The following GPR39 variants were observed in gnomAD, a reference collection of about 807,000 sequenced individuals.
The protein encoded by GPR39 is zinc sensing receptor.
GPR39 carries 23 observed loss-of-function variants against 18.4 expected under a neutral mutation model. The ratio of observed to expected loss-of-function variants is 1.25; its 90% CI spans 0.90 to 1.77. The LOEUF (loss-of-function observed/expected upper bound fraction) is 1.77. Among genes scored for constraint, GPR39 ranks in the 40% most tolerant of loss-of-function variants. The pLI is 0.00. For synonymous variants in GPR39, 280 were observed against 257.9 expected, an observed-to-expected ratio of 1.09 and a Z score of -0.82; for missense variants, 647 against 602.4, an observed-to-expected ratio of 1.07 and a Z score of -0.78.
intron 1 of GPR39, among the ~76,000 whole-genome samples, chr2:132,636,595 C>T (rs78232126): frequency 0.033 from 5,076 of 152,294 alleles, 256 homozygotes; most frequent in African/African-American, 0.12. Context: ...GGAAGCCCCA[C>T]GTTTGGACTC....
rs182549182 is a variant in GPR39 at position 132,560,766 on chromosome 2, C to T, written c.857-84335C>T. Among the ~76,000 whole-genome samples the T allele has an allele frequency of 5.9e-3, 893 of 152,290 alleles. 1 individual carries two copies. Among genetic ancestry groups the T allele is most frequent in the Non-Finnish European group, 0.01 (708 of 68,020 alleles). On this transcript the variant is annotated intron_variant, in intron 1 of 1. Coordinates refer to ENST00000329321, the MANE Select transcript of GPR39 (RefSeq NM_001508.3). ...GCTTCTCCTCTCTCCAAACATCCTG[C>T]GTGGGCAGATTGCCCAAGCCTGGGA...
intron 1 of GPR39, among the ~76,000 whole-genome samples, chr2:132,595,960 G>T (rs1409370899): frequency 6.6e-6 from 1 of 152,094 alleles, no homozygotes; most frequent in Non-Finnish European, 1.5e-5. Context: ...TCATGTCAGG[G>T]AGCCTTAGTG....
intron 1 of GPR39, among the ~76,000 whole-genome samples, chr2:132,532,973 G>A (rs3109159): frequency 0.21 from 31,975 of 151,770 alleles, 4,020 homozygotes; most frequent in East Asian, 0.63. Flanking sequence ...CCTATTCAAC[G>A]TAGTGTTGGA....
At chr2:132,420,905 A>G (rs1447924779) in intron 1 of GPR39, among the ~76,000 whole-genome samples, 1 of 152,222 alleles carries the variant, frequency 6.6e-6, no homozygotes, top group African/African-American at 2.4e-5. Flanking sequence ...TTTACAGGAG[A>G]ACACAATAGT....
intron 1 of GPR39, among the ~76,000 whole-genome samples, chr2:132,516,756 A>G (rs1679342018): frequency 6.6e-6 from 1 of 152,174 alleles, no homozygotes; most frequent in Admixed American, 6.5e-5. Flanking sequence ...GGCCAACATG[A>G]CAGAACCTTA....
chr2:132,543,019 G>A (rs1679888084), intron 1 of GPR39, among the ~76,000 whole-genome samples: 2 of 152,142 alleles, frequency 1.3e-5, no homozygotes, highest in South Asian at 4.1e-4. Context: ...GGGGGTGGGT[G>A]TTCAGTTTCC....
chr2:132,499,273 G>A (rs111693593), intron 1 of GPR39, among the ~76,000 whole-genome samples: 2 of 152,042 alleles, frequency 1.3e-5, no homozygotes, highest in Non-Finnish European at 2.9e-5. Context: ...ATTCTTCTAC[G>A]TGTGGCTTGC....
chr2:132,476,675 A>G (rs1681135032), intron 1 of GPR39, among the ~76,000 whole-genome samples: 1 of 150,782 alleles, frequency 6.6e-6, no homozygotes, highest in Admixed American at 6.6e-5. Context: ...TAGATATGTA[A>G]AGATATGTTC....
At chr2:132,428,427 G>C (rs1457720907) in intron 1 of GPR39, among the ~76,000 whole-genome samples, 2 of 152,194 alleles carry the variant, frequency 1.3e-5, no homozygotes, top group African/African-American at 4.8e-5. Flanking sequence ...TTGATGCAGG[G>C]TCTGGGTTGT....
Position 132,436,261 on chromosome 2 carries a change from C to T in GPR39, c.856+18363C>T, listed in dbSNP as rs190140563. Reference sequence around the variant, plus strand: ...CCTGTAAGGCCAAGGCATTATTGGCCAAGGCAATCGATATATCAAAATGAA... The same window carrying T: ...CCTGTAAGGCCAAGGCATTATTGGCTAAGGCAATCGATATATCAAAATGAA... On this transcript the variant is annotated intron_variant, in intron 1 of 1. Transcript: ENST00000329321. Among the ~76,000 whole-genome samples, 842 of 152,262 alleles carry T rather than the reference C, an allele frequency of 5.5e-3. 8 individuals are homozygous for T. The highest frequency in any genetic ancestry group is 7.9e-3 in the Non-Finnish European group (538 of 68,024).
At chr2:132,567,630 C>T (rs533006570) in intron 1 of GPR39, among the ~76,000 whole-genome samples, 2 of 152,256 alleles carry the variant, frequency 1.3e-5, no homozygotes, top group South Asian at 4.1e-4. Flanking sequence ...AGGTATTCAG[C>T]TACAGAAACA....
chr2:132,486,755 A>G (rs1250655064), intron 1 of GPR39, among the ~76,000 whole-genome samples: 1 of 152,200 alleles, frequency 6.6e-6, no homozygotes, highest in Admixed American at 6.5e-5. Flanking sequence ...TTGATCTTCT[A>G]TCAAAACCAC....
chr2:132,474,491 G>C (rs961154866), intron 1 of GPR39, among the ~76,000 whole-genome samples: 5 of 152,194 alleles, frequency 3.3e-5, no homozygotes, highest in Non-Finnish European at 7.3e-5. Flanking sequence ...TGGAAACTGG[G>C]TGAGGGGACT....
chr2:132,469,273 C>T (rs917330912), intron 1 of GPR39, among the ~76,000 whole-genome samples: 7 of 152,188 alleles, frequency 4.6e-5, no homozygotes, highest in African/African-American at 1.7e-4. Context: ...AGATCCTATT[C>T]AAGCTAAAAT....
Position 132,525,654 on chromosome 2 carries a change from G to A in GPR39, c.856+107756G>A, listed in dbSNP as rs1218611175. ...CTGTCTTACTACAAGGTGGAGGAAT[G>A]GGACTTCCCTTTGGCCGTCAGACAT... On this transcript the variant is annotated intron_variant, in intron 1 of 1. Coordinates refer to ENST00000329321, the MANE Select transcript of GPR39 (RefSeq NM_001508.3). Among the ~76,000 whole-genome samples the A allele has an allele frequency of 3.3e-5, 5 of 152,216 alleles. No homozygotes were observed. In the East Asian group the frequency reaches 9.6e-4, roughly 29 times the overall value.
At chr2:132,441,801 G>A (rs925259147) in intron 1 of GPR39, among the ~76,000 whole-genome samples, 2 of 152,180 alleles carry the variant, frequency 1.3e-5, no homozygotes, top group Non-Finnish European at 2.9e-5. Flanking sequence ...AATGATCTAA[G>A]ACTCAGGCTT....
At chr2:132,509,112 T>A (rs1456976453) in intron 1 of GPR39, among the ~76,000 whole-genome samples, 3 of 152,160 alleles carry the variant, frequency 2.0e-5, no homozygotes, top group Non-Finnish European at 2.9e-5. Flanking sequence ...GAAGCTTTAC[T>A]AATCATTCCT....
At chr2:132,458,075 C>T (rs1680764565) in intron 1 of GPR39, among the ~76,000 whole-genome samples, 1 of 152,192 alleles carries the variant, frequency 6.6e-6, no homozygotes, top group Non-Finnish European at 1.5e-5. Context: ...TCTCCTGACC[C>T]CTTGCACATC....
intron 1 of GPR39, among the ~76,000 whole-genome samples, chr2:132,602,716 A>C (rs1343220289): frequency 6.6e-6 from 1 of 152,012 alleles, no homozygotes; most frequent in Non-Finnish European, 1.5e-5. Flanking sequence ...CTGATGTAAA[A>C]TGGGCAAATG....
Sources: allele counts gnomAD v4.1 joint callset (sites outside exome capture counted in the v4.1 genomes callset), GRCh38; gene constraint gnomAD v4.1.1; transcripts MANE v1.5; gene names NCBI Gene and HGNC (gene_info 2026-07-23, HGNC 2026-07-21).